The following ZNF714 variants were observed in gnomAD, a reference collection of about 807,000 sequenced individuals.
The protein encoded by ZNF714 is zinc finger protein 714.
Under a neutral mutation model 46.2 loss-of-function variants are expected in ZNF714, and 32 were observed. That is an observed-to-expected ratio of 0.69 (90% confidence interval 0.52 to 0.93). The LOEUF is 0.93. ZNF714 is among the 40% of genes least tolerant of loss of function. The pLI is 0.00. For missense variants in ZNF714, 635 were observed against 646.3 expected (o/e 0.98, Z 0.19); for synonymous variants, 199 against 213.1 (o/e 0.93, Z 0.58).
At position 21,119,275 on chromosome 19, in the gene ZNF714, G is replaced by T. The variant is rs900655722; in HGVS notation, c.*943G>T. The T allele has an allele frequency of 3.2e-6, 1 of 309,396 alleles. No homozygotes were observed. Among genetic ancestry groups the T allele is most frequent in the Non-Finnish European group, 6.4e-6 (1 of 156,736 alleles). The allele number at this position is 309,396 out of a possible 1,614,324, so 19.2% of individuals were successfully genotyped here. On this transcript the variant is annotated 3_prime_UTR_variant, in exon 5 of 5. Coordinates refer to ENST00000456283, the MANE Select transcript of ZNF714 (RefSeq NM_182515.4). Reference sequence around the variant, plus strand: ...ACAATTAGCCGGTTGCGGTGGTGGTGCCTGTAATCCCAGCTACTCAAGAGG... The same window carrying T: ...ACAATTAGCCGGTTGCGGTGGTGGTTCCTGTAATCCCAGCTACTCAAGAGG...
In ZNF714 at chr19:21,123,249, T is replaced by C. The variant is rs987349404; in HGVS notation, c.*4917T>C. ...CTTTGTTTTTAAAAGAAAAATCTTATTAGATTCTTATACAAAGTGTGGCAA... is the reference window on the plus strand; with the variant it reads ...CTTTGTTTTTAAAAGAAAAATCTTACTAGATTCTTATACAAAGTGTGGCAA... On this transcript the variant is annotated 3_prime_UTR_variant, in exon 5 of 5. Coordinates refer to ENST00000456283, the MANE Select transcript of ZNF714 (RefSeq NM_182515.4). 7 of 152,190 alleles carry C rather than the reference T, an allele frequency of 4.6e-5. No individual in the cohort carries two copies. Among genetic ancestry groups the C allele is most frequent in the Middle Eastern group, 3.4e-3 (1 of 294 alleles). The allele number at this position is 152,190 out of a possible 1,614,324, so 9.4% of individuals were successfully genotyped here. A position where few individuals can be genotyped will look rare whatever the true frequency, so the allele number is the denominator to read the frequency against.
intron 2 of ZNF714, among the ~76,000 whole-genome samples, chr19:21,084,552 C>T (rs1192936594): frequency 6.6e-6 from 1 of 151,990 alleles, no homozygotes; most frequent in Admixed American, 6.6e-5. Context: ...GACTGAATAG[C>T]CTGACTTGAA....
intron 4 of ZNF714, among the ~76,000 whole-genome samples, chr19:21,099,460 G>T (rs60221209): frequency 0.68 from 103,637 of 151,578 alleles, 39,650 homozygotes; most frequent in East Asian, 0.87. Context: ...GATTACAAGT[G>T]TGAGCCACCG....
chr19:21,098,000 C>T (rs2062055266), intron 2 of ZNF714, among the ~76,000 whole-genome samples, 185 bp from the exon 3 acceptor site: 1 of 152,152 alleles, frequency 6.6e-6, no homozygotes, highest in Non-Finnish European at 1.5e-5. Flanking sequence ...GATCTTATGC[C>T]ATTCTCTGCC....
At chr19:21,105,608 T>G (rs1969292136) in intron 4 of ZNF714, among the ~76,000 whole-genome samples, 4 of 151,996 alleles carry the variant, frequency 2.6e-5, no homozygotes, top group Non-Finnish European at 2.9e-5. Flanking sequence ...ATTCGCTAGT[T>G]TTTTGTTTTT....
At chr19:21,096,809 A>G (rs942745927) in intron 2 of ZNF714, among the ~76,000 whole-genome samples, 7 of 152,192 alleles carry the variant, frequency 4.6e-5, no homozygotes, top group African/African-American at 1.7e-4. Context: ...CATTAGCTCT[A>G]TGCAGAACAG....
At chr19:21,095,750 A>C (rs1969022314) in intron 2 of ZNF714, among the ~76,000 whole-genome samples, 3 of 152,068 alleles carry the variant, frequency 2.0e-5, no homozygotes. Flanking sequence ...CACCGCGCCT[A>C]GCCTGGTGTC....
intron 4 of ZNF714, among the ~76,000 whole-genome samples, chr19:21,109,923 G>C (rs1196494285): frequency 6.6e-6 from 1 of 152,056 alleles, no homozygotes; most frequent in Non-Finnish European, 1.5e-5. Context: ...AGTACATGAT[G>C]TTGTTCCTTT....
chr19:21,087,253 C>G (rs943727389), intron 2 of ZNF714, among the ~76,000 whole-genome samples: 1 of 142,064 alleles, frequency 7.0e-6, no homozygotes, highest in Non-Finnish European at 1.5e-5. Context: ...AAAACATGAT[C>G]GACAAGGAAA....
chr19:21,097,213 CAG>C (rs975920185), intron 2 of ZNF714, among the ~76,000 whole-genome samples: 3 of 152,130 alleles, frequency 2.0e-5, no homozygotes, highest in Non-Finnish European at 2.9e-5. Flanking sequence ...GAAAATTATT[CAG>C]AGATACCTGC....
chr19:21,096,989 C>T (rs944537043), intron 2 of ZNF714, among the ~76,000 whole-genome samples: 1 of 152,136 alleles, frequency 6.6e-6, no homozygotes, highest in Non-Finnish European at 1.5e-5. Flanking sequence ...GCTTCAACCT[C>T]CCAAGTAGCT....
intron 2 of ZNF714, among the ~76,000 whole-genome samples, chr19:21,095,069 G>GT (rs562058781): frequency 1.7e-3 from 257 of 152,176 alleles, no homozygotes; most frequent in Non-Finnish European, 2.9e-3. Flanking sequence ...CAGGAACATA[G>GT]TTTGCAAATA....
chr19:21,105,326 T>G (rs1030592721), intron 4 of ZNF714, among the ~76,000 whole-genome samples: 1 of 152,094 alleles, frequency 6.6e-6, no homozygotes, highest in African/African-American at 2.4e-5. Flanking sequence ...TGGCCTTACT[T>G]TTTCATTTCT....
Position 21,117,049 on chromosome 19 carries a change from AT to A in ZNF714, c.389del (p.Phe130SerfsTer92). 2 of 1,613,180 alleles carry A rather than the reference AT, an allele frequency of 1.2e-6. No individual in the cohort carries two copies. Among genetic ancestry groups the A allele is most frequent in the Non-Finnish European group, 1.7e-6 (2 of 1,179,524 alleles). ...TAAATATATAAAAGTCTTTCATAAA[AT>A]TTTCAATTCAAATAGACACAAGACA... Reference protein sequence around the residue: ...CDKYIKVFHKIFNSNRHKTRH... With the variant: ...CDKYIKVFHKXFNSNRHKTRH... On this transcript the variant is annotated frameshift_variant, in exon 5 of 5. Coordinates refer to ENST00000456283, the MANE Select transcript of ZNF714 (RefSeq NM_182515.4). LOFTEE classifies it high-confidence loss of function.
At chr19:21,092,213 CCCACAGCTGCCA>C (rs760390584) in intron 2 of ZNF714, among the ~76,000 whole-genome samples, 74 of 152,104 alleles carry the variant, frequency 4.9e-4, no homozygotes, top group Admixed American at 1.8e-3. Flanking sequence ...ACCCCCTTTT[CCCACAGCTGCCA>C]CCACAGGATT....
chr19:21,105,228 G>C (rs1035099857), intron 4 of ZNF714, among the ~76,000 whole-genome samples: 1 of 151,386 alleles, frequency 6.6e-6, no homozygotes, highest in African/African-American at 2.4e-5. Context: ...TCACCATCTT[G>C]GTCAGGCCAG....
chr19:21,095,497 C>G (rs968890624), intron 2 of ZNF714, among the ~76,000 whole-genome samples: 1 of 151,466 alleles, frequency 6.6e-6, no homozygotes, highest in Non-Finnish European at 1.5e-5. Flanking sequence ...GAGTCTCGCT[C>G]TGTCACCCAG....
At chr19:21,099,548 G>T (rs1969124604) in intron 4 of ZNF714, among the ~76,000 whole-genome samples, 1 of 152,032 alleles carries the variant, frequency 6.6e-6, no homozygotes, top group South Asian at 2.1e-4. Context: ...TGAGAGTAGT[G>T]GTTTCTGTTC....
chr19:21,102,088 C>T (rs901353551), intron 4 of ZNF714, among the ~76,000 whole-genome samples: 4 of 151,634 alleles, frequency 2.6e-5, no homozygotes, highest in Non-Finnish European at 5.9e-5. Flanking sequence ...AGCCATGATA[C>T]CTGGCTGTCT....
Sources: gnomAD v4.1 joint callset for allele counts (sites outside exome capture counted in the v4.1 genomes callset) on GRCh38, gnomAD v4.1.1 for gene constraint, MANE v1.5 for transcripts, NCBI Gene and HGNC (gene_info 2026-07-23, HGNC 2026-07-21) for gene names.